PREX1: variants seen among roughly 807,000 people sequenced by gnomAD.
The protein encoded by PREX1 is phosphatidylinositol 3,4,5-trisphosphate-dependent Rac exchanger 1 protein.
A neutral mutation model predicts 198.3 loss-of-function variants in PREX1; 41 were observed. That is an observed-to-expected ratio of 0.21 (90% confidence interval 0.16 to 0.27). PREX1 has a LOEUF of 0.27. Among genes scored for constraint, PREX1 ranks in the 10% least tolerant of loss-of-function variants. The pLI is 1.00. For missense variants in PREX1, 1,620 were observed against 2,200.7 expected, an observed-to-expected ratio of 0.74 and a Z score of 5.28; for synonymous variants, 843 against 887.2, an observed-to-expected ratio of 0.95 and a Z score of 0.89.
the PREX1 span, among the ~76,000 whole-genome samples, chr20:48,885,446 T>C: frequency 2.6e-5 from 4 of 152,212 alleles, no homozygotes; most frequent in Admixed American, 2.0e-4. Flanking sequence ...TCTCATTCAT[T>C]GCTAGTAGTA....
At chr20:48,808,230 A>G (rs1450729018) in intron 1 of PREX1, among the ~76,000 whole-genome samples, 1 of 152,134 alleles carries the variant, frequency 6.6e-6, no homozygotes, top group African/African-American at 2.4e-5. Context: ...ATTCCCTGCC[A>G]TCCCCTCACT....
rs1373152651 is a variant in PREX1 at position 48,661,468 on chromosome 20, T to TATATATAC, written c.1739-1408_1739-1407insGTATATAT. Reference sequence around the variant, plus strand: ...AAATATATATATATATATATATATATACACACACATATATATAATATAATA... The same window carrying TATATATAC: ...AAATATATATATATATATATATATATATATATACACACACACATATATATAATATAATA... On this transcript the variant is annotated intron_variant, in intron 15 of 39. Transcript: ENST00000371941. Among the ~76,000 whole-genome samples the TATATATAC allele has an allele frequency of 2.0e-3, 157 of 76,620 alleles. 2 individuals carry two copies. The highest frequency in any genetic ancestry group is 8.6e-3 in the Middle Eastern group (1 of 116). The allele number at this position is 76,620 out of a possible 152,430, so 50.3% of individuals were successfully genotyped here.
chr20:48,848,808 C>T, the PREX1 span, among the ~76,000 whole-genome samples: 3 of 152,184 alleles, frequency 2.0e-5, no homozygotes, highest in Admixed American at 6.5e-5. Context: ...GGGATCTCGG[C>T]TCACTGCAAC....
chr20:48,747,715 C>A, intron 2 of PREX1, 94 bp downstream of exon 2: 1 of 1,368,234 alleles, frequency 7.3e-7, no homozygotes, highest in Non-Finnish European at 1.0e-6. Context: ...ATGCGCCTCC[C>A]CCTGCATGCA....
Position 48,649,274 on chromosome 20 carries a change from G to C in PREX1, c.3305+26C>G, listed in dbSNP as rs371051660. On this transcript the variant is annotated intron_variant, in intron 25 of 39. Coordinates refer to ENST00000371941, the MANE Select transcript of PREX1 (RefSeq NM_020820.4). ...ATTGAGAACACCTGCCCCTGCTCAC[G>C]CCGGACACCCCCGGCCAGCGCTCAC... 455 of 1,602,062 alleles carry C rather than the reference G, an allele frequency of 2.8e-4. No individual in the cohort carries two copies. In the Middle Eastern group the frequency reaches 3.3e-3, roughly 12 times the overall value.
chr20:48,810,988 G>A (rs1600530093), intron 1 of PREX1, among the ~76,000 whole-genome samples: 1 of 152,164 alleles, frequency 6.6e-6, no homozygotes, highest in African/African-American at 2.4e-5. Flanking sequence ...TTATGGAGGG[G>A]TGGAGACTGT....
intron 36 of PREX1, 52 bp downstream of exon 36, chr20:48,630,676 G>A (rs377207089): frequency 2.4e-5 from 36 of 1,484,478 alleles, no homozygotes; most frequent in Admixed American, 6.7e-5. Context: ...CCTGACTCCT[G>A]AGCGCCCCAC....
chr20:48,841,811 C>T, the PREX1 span, among the ~76,000 whole-genome samples: 1 of 152,284 alleles, frequency 6.6e-6, no homozygotes, highest in East Asian at 1.9e-4. Context: ...CCCCGCCCAC[C>T]CTACCTGGCT....
At position 48,650,018 on chromosome 20, in the gene PREX1, G is replaced by A; in HGVS notation, c.3006C>T (p.Leu1002=). The part of the protein sequence containing the change: ...FSIRFGRKPS[L]IGLDPEQGHL... ...TACCTTGCTCCGGGTCAAGGCCGAT[G>A]AGGGAGGGTTTGCGTCCAAAGCGGA... Residue 1002 remains leucine, a synonymous_variant, in exon 24 of 40, where the codon CTC becomes CTT. Transcript: ENST00000371941. 1.9e-6 allele frequency: 3 copies of A among 1,614,208 alleles called. No individual in the cohort carries two copies. The highest frequency in any genetic ancestry group is 1.3e-5 in the African/African-American group (1 of 75,066).
At chr20:48,681,432 T>C (rs2089749762) in intron 10 of PREX1, 97 bp from the exon 11 acceptor site, 2 of 1,189,372 alleles carry the variant, frequency 1.7e-6, no homozygotes, top group Non-Finnish European at 2.5e-6. Context: ...CCCCTGGGAA[T>C]GACAGCTAGA....
intron 1 of PREX1, among the ~76,000 whole-genome samples, chr20:48,755,541 C>T (rs1405075432): frequency 6.6e-6 from 1 of 152,152 alleles, no homozygotes; most frequent in African/African-American, 2.4e-5. Context: ...TTCTCTTCTG[C>T]TATTCCCTTT....
At chr20:48,867,487 G>A in the PREX1 span, among the ~76,000 whole-genome samples, 26 of 152,342 alleles carry the variant, frequency 1.7e-4, no homozygotes, top group East Asian at 1.3e-3. Context: ...CAAGCTGGGC[G>A]GATGAGAATC....
At chr20:48,627,660 C>A (rs751653304) in intron 38 of PREX1, 45 bp from the exon 39 acceptor site, 8 of 1,565,022 alleles carry the variant, frequency 5.1e-6, no homozygotes, top group Non-Finnish European at 8.8e-7. Flanking sequence ...AGGTTCAGGG[C>A]ACGTGAGGAA....
rs1169251437 is a variant in PREX1, at chr20:48,691,905, G to A, written c.1036+767C>T. On this transcript the variant is annotated intron_variant, in intron 8 of 39. Coordinates refer to ENST00000371941, the MANE Select transcript of PREX1 (RefSeq NM_020820.4). The surrounding 1 kb of genome is among the most constrained non-coding windows in gnomAD (Gnocchi z 5.0). The stretch of plus-strand genomic sequence containing the variant: ...AAAATGTAGACCATATTTTCTGGGC[G>A]GGGAGACTAGGTGTCGCTCTGTCAC... Among the ~76,000 whole-genome samples the A allele has an allele frequency of 6.6e-6, 1 of 152,250 alleles. No homozygotes were observed. The highest frequency in any genetic ancestry group is 1.9e-4 in the East Asian group (1 of 5,186).
chr20:48,672,836 T>C (rs1380522913), intron 14 of PREX1, among the ~76,000 whole-genome samples: 1 of 152,118 alleles, frequency 6.6e-6, no homozygotes, highest in Non-Finnish European at 1.5e-5. Context: ...TCCCACACCG[T>C]TCCCTCCACC....
At chr20:48,654,905 A>G (rs894519469) in intron 19 of PREX1, among the ~76,000 whole-genome samples, 104 of 152,348 alleles carry the variant, frequency 6.8e-4, no homozygotes, top group African/African-American at 2.3e-3. Flanking sequence ...CGGCCATAGA[A>G]GTATTGCGGC....
chr20:48,840,338 C>G, the PREX1 span, among the ~76,000 whole-genome samples: 1,452 of 124,020 alleles, frequency 0.012, 16 homozygotes, highest in African/African-American at 0.041. Flanking sequence ...TTAACCTTAA[C>G]CAAAAAAAAA....
chr20:48,726,898 CA>C (rs916183340), intron 4 of PREX1, among the ~76,000 whole-genome samples: 8 of 152,162 alleles, frequency 5.3e-5, no homozygotes, highest in Non-Finnish European at 1.2e-4. Context: ...CAGATTTATA[CA>C]ATGGTAGCTA....
chr20:48,753,871 A>T (rs974503559), intron 1 of PREX1, among the ~76,000 whole-genome samples: 1 of 152,008 alleles, frequency 6.6e-6, no homozygotes, highest in Admixed American at 6.6e-5. Context: ...AGCCACCTGA[A>T]CCCTGTTACC....
Sources: gnomAD v4.1 joint callset for allele counts (sites outside exome capture counted in the v4.1 genomes callset) on GRCh38, gnomAD v4.1.1 for gene constraint, Gnocchi (gnomAD v3.1) non-coding constraint, MANE v1.5 for transcripts, NCBI Gene and HGNC (gene_info 2026-07-23, HGNC 2026-07-21) for gene names.